The following HECW2 variants were observed in gnomAD, a reference collection of about 807,000 sequenced individuals.
HECW2 encodes the protein E3 ubiquitin-protein ligase HECW2.
HECW2 carries 61 observed loss-of-function variants against 175.2 expected under a neutral mutation model. That is an observed-to-expected ratio of 0.35 (90% CI 0.28 to 0.43). HECW2 has a LOEUF of 0.43. Among genes scored for constraint, HECW2 ranks in the 20% least tolerant of loss-of-function variants. The probability of loss-of-function intolerance (pLI) is 1.00; values close to 1 mark genes in which losing one functional copy is unlikely to be tolerated. For synonymous variants in HECW2, 671 were observed against 731.0 expected (o/e 0.92, Z 1.32); for missense variants, 1,524 against 2,000.5 (o/e 0.76, Z 4.54).
intron 1 of HECW2, among the ~76,000 whole-genome samples, chr2:196,554,283 G>A (rs185803905): frequency 0.011 from 1,673 of 151,634 alleles, 82 homozygotes; most frequent in Admixed American, 0.086. Context: ...CGGAGATCGC[G>A]CCACAGCACT....
chr2:196,486,180 C>T (rs116793023), intron 1 of HECW2, among the ~76,000 whole-genome samples: 2,557 of 152,240 alleles, frequency 0.017, 73 homozygotes, highest in African/African-American at 0.059. Context: ...AGGAAGGAAG[C>T]TTAATAGAAG....
chr2:196,590,134 A>G (rs1207595374), intron 1 of HECW2, among the ~76,000 whole-genome samples: 3 of 152,182 alleles, frequency 2.0e-5, no homozygotes, highest in Admixed American at 6.5e-5. Flanking sequence ...GGATTCCTTA[A>G]TATCTAGGGT....
At chr2:196,546,398 C>T (rs927629772) in intron 1 of HECW2, among the ~76,000 whole-genome samples, 4 of 152,164 alleles carry the variant, frequency 2.6e-5, no homozygotes, top group Non-Finnish European at 4.4e-5. Flanking sequence ...AAACATTAGT[C>T]GAATGGATTT....
At chr2:196,338,602 A>G (rs1306167616) in intron 3 of HECW2, among the ~76,000 whole-genome samples, 3 of 152,222 alleles carry the variant, frequency 2.0e-5, no homozygotes, top group Non-Finnish European at 4.4e-5. Context: ...GATCTCATCC[A>G]TCATCTTAAA....
At chr2:196,437,290 G>A (rs931234867) in intron 1 of HECW2, among the ~76,000 whole-genome samples, 2 of 152,112 alleles carry the variant, frequency 1.3e-5, no homozygotes, top group Non-Finnish European at 2.9e-5. Context: ...CACAGAACCC[G>A]GTGAAGATGA....
rs1688777240 is a variant in HECW2 at position 196,249,461 on chromosome 2, G to GA, written c.3529+4458dup. Among the ~76,000 whole-genome samples, 3 of 19,846 alleles carry GA rather than the reference G, an allele frequency of 1.5e-4. No homozygotes were observed. The South Asian group carries it at 0.19, about 1,240-fold the overall frequency. 13.0% of individuals were successfully genotyped at this position (19,846 alleles called of 152,430 possible). A position where few individuals can be genotyped will look rare whatever the true frequency, so the allele number is the denominator to read the frequency against. On this transcript the variant is annotated intron_variant, in intron 19 of 28. Coordinates refer to ENST00000644978, the MANE Select transcript of HECW2 (RefSeq NM_001348768.2). ...TACATGTCAACGTGCTTGGAATGAG[G>GA]AAAAGGGGGAAAGTTTACCAGGTTC...
chr2:196,578,463 T>C (rs1325129753), intron 1 of HECW2, among the ~76,000 whole-genome samples: 1 of 152,060 alleles, frequency 6.6e-6, no homozygotes, highest in African/African-American at 2.4e-5. Flanking sequence ...TTAGTGGCCA[T>C]ACATTTCTTG....
chr2:196,378,959 C>G (rs543449130), intron 2 of HECW2, among the ~76,000 whole-genome samples: 2 of 152,072 alleles, frequency 1.3e-5, no homozygotes, highest in South Asian at 4.2e-4. Flanking sequence ...ACAGCACCAC[C>G]AAAGAAGCAT....
chr2:196,339,036 G>C (rs534842254), intron 3 of HECW2, among the ~76,000 whole-genome samples: 2 of 152,254 alleles, frequency 1.3e-5, no homozygotes, highest in South Asian at 4.1e-4. Context: ...AAACAAAAGG[G>C]ACAATATCCA....
At chr2:196,449,440 A>C (rs1696282228) in intron 1 of HECW2, among the ~76,000 whole-genome samples, 1 of 152,190 alleles carries the variant, frequency 6.6e-6, no homozygotes, top group Non-Finnish European at 1.5e-5. Flanking sequence ...ATAATTAGAT[A>C]ATCCTTACAA....
intron 18 of HECW2, among the ~76,000 whole-genome samples, chr2:196,255,234 C>T (rs555222932): frequency 5.6e-5 from 8 of 144,124 alleles, no homozygotes; most frequent in East Asian, 2.1e-4. Context: ...CATCATGATC[C>T]GCCTGCCTCG....
At chr2:196,286,844 A>C (rs1189125740) in intron 14 of HECW2, among the ~76,000 whole-genome samples, 3 of 152,354 alleles carry the variant, frequency 2.0e-5, no homozygotes, top group African/African-American at 7.2e-5. Context: ...ATTTTTCAAA[A>C]TGTAGCACTT....
chr2:196,340,866 G>A (rs765587988), intron 3 of HECW2, among the ~76,000 whole-genome samples: 1 of 151,502 alleles, frequency 6.6e-6, no homozygotes, highest in African/African-American at 2.4e-5. Flanking sequence ...TTACAATTAT[G>A]CTCCGCAATA....
intron 2 of HECW2, among the ~76,000 whole-genome samples, chr2:196,423,102 C>T (rs1695449000): frequency 6.6e-6 from 1 of 152,080 alleles, no homozygotes; most frequent in African/African-American, 2.4e-5. Flanking sequence ...GAAATCCCTT[C>T]TTGGGAATTC....
At chr2:196,227,264 G>T (rs1687883569) in intron 22 of HECW2, among the ~76,000 whole-genome samples, 1 of 152,142 alleles carries the variant, frequency 6.6e-6, no homozygotes, top group Non-Finnish European at 1.5e-5. Context: ...CATGAATCCT[G>T]CTCATATTCT....
At chr2:196,503,664 A>G (rs1264281203) in intron 1 of HECW2, among the ~76,000 whole-genome samples, 1 of 152,154 alleles carries the variant, frequency 6.6e-6, no homozygotes, top group Non-Finnish European at 1.5e-5. Context: ...GTAACAGCAG[A>G]GTACACAGCC....
chr2:196,258,755 T>C (rs977376088), intron 17 of HECW2, among the ~76,000 whole-genome samples: 2 of 152,192 alleles, frequency 1.3e-5, no homozygotes, highest in African/African-American at 2.4e-5. Flanking sequence ...AAGAAAAATA[T>C]AAAAACACAA....
At chr2:196,217,640 G>A (rs1212759991) in intron 26 of HECW2, 1 of 152,102 alleles carries the variant, frequency 6.6e-6, no homozygotes, top group East Asian at 1.9e-4. Flanking sequence ...GTTTCACATT[G>A]ACTTACTAAT....
chr2:196,527,136 T>A (rs1688687295), intron 1 of HECW2, among the ~76,000 whole-genome samples: 1 of 152,214 alleles, frequency 6.6e-6, no homozygotes, highest in Non-Finnish European at 1.5e-5. Context: ...CGAGACTCCG[T>A]GAGCCTAGGA....
Sources: gnomAD v4.1 joint callset for allele counts (sites outside exome capture counted in the v4.1 genomes callset) on GRCh38, gnomAD v4.1.1 for gene constraint, MANE v1.5 for transcripts, NCBI Gene and HGNC (gene_info 2026-07-23, HGNC 2026-07-21) for gene names.